NOS1AP: variants seen among roughly 807,000 people sequenced by gnomAD.
NOS1AP encodes nitric oxide synthase 1 adaptor protein.
In NOS1AP, 21 loss-of-function variants were observed where a neutral mutation model predicts 56.2. The ratio of observed to expected loss-of-function variants is 0.37; its 90% CI spans 0.26 to 0.54. NOS1AP has a LOEUF of 0.54. Among genes scored for constraint, NOS1AP ranks in the 20% least tolerant of loss-of-function variants. The pLI is 0.84. For missense variants in NOS1AP, 522 were observed against 657.8 expected, an observed-to-expected ratio of 0.79 and a Z score of 2.26; for synonymous variants, 270 against 274.6, an observed-to-expected ratio of 0.98 and a Z score of 0.17.
At chr1:162,255,324 A>G (rs972431137) in intron 2 of NOS1AP, among the ~76,000 whole-genome samples, 6 of 152,016 alleles carry the variant, frequency 3.9e-5, no homozygotes, top group Admixed American at 1.3e-4. Flanking sequence ...TCTTTGCTGC[A>G]ATTTCCTGTT....
At chr1:162,250,043 T>G (rs1317729228) in intron 2 of NOS1AP, among the ~76,000 whole-genome samples, 1 of 152,220 alleles carries the variant, frequency 6.6e-6, no homozygotes. Context: ...TCCCATGCCC[T>G]GTCTGTTCCC....
intron 2 of NOS1AP, 130 bp downstream of exon 2, chr1:162,154,606 A>C: frequency 1.4e-6 from 1 of 715,824 alleles, no homozygotes; most frequent in Non-Finnish European, 2.5e-6. Flanking sequence ...TCCTCTCTGT[A>C]CCCTCTAGGT....
At chr1:162,265,861 T>C (rs1654406677) in intron 2 of NOS1AP, among the ~76,000 whole-genome samples, 1 of 152,194 alleles carries the variant, frequency 6.6e-6, no homozygotes, top group Non-Finnish European at 1.5e-5. Context: ...CTTTCTCACA[T>C]AAATCCTGTC....
At chr1:162,351,500 C>T (rs933996789) in intron 6 of NOS1AP, among the ~76,000 whole-genome samples, 5 of 152,170 alleles carry the variant, frequency 3.3e-5, no homozygotes, top group African/African-American at 1.2e-4. Flanking sequence ...CTGCTTGTCC[C>T]CCCCTTCTGT....
chr1:162,289,494 A>C (rs1389274241), intron 3 of NOS1AP, among the ~76,000 whole-genome samples: 4 of 31,834 alleles, frequency 1.3e-4, no homozygotes, highest in Non-Finnish European at 2.1e-4. Context: ...TTTTTTTTTG[A>C]GACGGAGTCT....
chr1:162,361,290 C>T (rs1438010394), intron 8 of NOS1AP, among the ~76,000 whole-genome samples: 2 of 152,092 alleles, frequency 1.3e-5, no homozygotes, highest in Admixed American at 6.6e-5. Flanking sequence ...AAAAAAAATC[C>T]CATCTGGTGG....
At chr1:162,072,758 T>C (rs920950770) in intron 1 of NOS1AP, among the ~76,000 whole-genome samples, 11 of 152,238 alleles carry the variant, frequency 7.2e-5, no homozygotes, top group African/African-American at 1.2e-4. Flanking sequence ...CTGTCCTACA[T>C]GCTCCTGGTA....
intron 2 of NOS1AP, among the ~76,000 whole-genome samples, chr1:162,253,596 A>G (rs1386109109): frequency 1.3e-5 from 2 of 152,210 alleles, no homozygotes; most frequent in East Asian, 3.8e-4. Context: ...ACATAAGTGA[A>G]TGTTTAAGCA....
intron 4 of NOS1AP, among the ~76,000 whole-genome samples, chr1:162,307,539 C>T (rs1655875658): frequency 1.3e-5 from 2 of 152,178 alleles, no homozygotes; most frequent in Admixed American, 1.3e-4. Context: ...CGCGGTGGCT[C>T]ATGCCTGTAA....
chr1:162,281,616 G>T (rs910377595), intron 2 of NOS1AP, among the ~76,000 whole-genome samples: 1 of 152,184 alleles, frequency 6.6e-6, no homozygotes, highest in Non-Finnish European at 1.5e-5. Context: ...CAGATGGTGT[G>T]GGGAGGGCAT....
At chr1:162,247,160 C>T (rs1653693546) in intron 2 of NOS1AP, among the ~76,000 whole-genome samples, 1 of 151,990 alleles carries the variant, frequency 6.6e-6, no homozygotes, top group Non-Finnish European at 1.5e-5. Context: ...TGTCTTGGTT[C>T]CTTCCCTCTT....
intron 4 of NOS1AP, chr1:162,317,011 A>G (rs116185888): frequency 0.05 from 7,844 of 156,102 alleles, 558 homozygotes; most frequent in African/African-American, 0.16. Context: ...GATAATTCAT[A>G]ATGATAAGGG....
At chr1:162,165,083 A>G (rs1047582422) in intron 2 of NOS1AP, among the ~76,000 whole-genome samples, 4 of 152,124 alleles carry the variant, frequency 2.6e-5, no homozygotes, top group African/African-American at 9.7e-5. Flanking sequence ...GCACTTTGGG[A>G]GGCCAAGGCG....
chr1:162,344,125 A>G lies in NOS1AP; in HGVS notation c.595+149A>G. 3.5e-6 allele frequency: 3 copies of G among 851,200 alleles called. No homozygotes were observed. In the South Asian group the frequency reaches 4.5e-5, roughly 13 times the overall value. 52.7% of individuals were successfully genotyped at this position (851,200 alleles called of 1,614,324 possible). A position where few individuals can be genotyped will look rare whatever the true frequency, so the allele number is the denominator to read the frequency against. On this transcript the variant is annotated intron_variant, in intron 6 of 9. Transcript: ENST00000361897. The stretch of plus-strand genomic sequence containing the variant: ...CTCTCTAAATTCTAGATTCTCTTTA[A>G]GGAACACGTATTACTTTTATAACAG...
chr1:162,084,610 C>T (rs971483473), intron 1 of NOS1AP, among the ~76,000 whole-genome samples: 1 of 152,182 alleles, frequency 6.6e-6, no homozygotes, highest in Non-Finnish European at 1.5e-5. Flanking sequence ...CATCTTATTA[C>T]AGCCTGATGA....
intron 2 of NOS1AP, among the ~76,000 whole-genome samples, chr1:162,225,208 C>T (rs1446983808): frequency 1.3e-5 from 2 of 152,238 alleles, no homozygotes; most frequent in African/African-American, 4.8e-5. Context: ...CTCCTTATTA[C>T]TTATTCACGA....
chr1:162,098,010 T>C (rs2102028358), intron 1 of NOS1AP, among the ~76,000 whole-genome samples: 1 of 152,070 alleles, frequency 6.6e-6, no homozygotes, highest in South Asian at 2.1e-4. Flanking sequence ...AGTCTTTTAG[T>C]CCATGAATAT....
chr1:162,321,732 AT>A (rs1473736900), intron 4 of NOS1AP, among the ~76,000 whole-genome samples: 2,255 of 109,176 alleles, frequency 0.021, 23 homozygotes, highest in African/African-American at 0.068. Flanking sequence ...AAAAAAAAAA[AT>A]ATATATATAT....
chr1:162,232,290 G>C (rs1571147056), intron 2 of NOS1AP, among the ~76,000 whole-genome samples: 1 of 152,134 alleles, frequency 6.6e-6, no homozygotes, highest in South Asian at 2.1e-4. Flanking sequence ...TGGGACAAGG[G>C]AAGGTGGTTT....
Sources: gnomAD v4.1 joint callset for allele counts (sites outside exome capture counted in the v4.1 genomes callset) on GRCh38, gnomAD v4.1.1 for gene constraint, MANE v1.5 for transcripts, NCBI Gene and HGNC (gene_info 2026-07-23, HGNC 2026-07-21) for gene names.